The following MSRA variants were observed in gnomAD, a reference collection of about 807,000 sequenced individuals.
The protein encoded by MSRA is mitochondrial peptide methionine sulfoxide reductase.
A neutral mutation model predicts 31.3 loss-of-function variants in MSRA; 54 were observed. The ratio of observed to expected loss-of-function variants is 1.73; its 90% CI spans 1.39 to 2.17. The LOEUF is 2.17. Among genes scored for constraint, MSRA ranks in the 30% most tolerant of loss-of-function variants. MSRA has a pLI of 0.00. For missense variants in MSRA, 507 were observed against 300.9 expected (o/e 1.69, Z -5.07); for synonymous variants, 169 against 116.5 (o/e 1.45, Z -2.90).
At chr8:10,190,516 C>T (rs1807420467) in intron 1 of MSRA, among the ~76,000 whole-genome samples, 1 of 152,202 alleles carries the variant, frequency 6.6e-6, no homozygotes, top group Admixed American at 6.5e-5. Flanking sequence ...CTGGCCAAGC[C>T]CGCAAACTTC....
At chr8:10,337,619 C>T in intron 5 of MSRA, 3 of 672,066 alleles carry the variant, frequency 4.5e-6, no homozygotes, top group South Asian at 3.2e-5. Flanking sequence ...TTTTCTGGTC[C>T]TGATATTGGA....
intron 1 of MSRA, among the ~76,000 whole-genome samples, chr8:10,160,426 C>T (rs567387097): frequency 6.6e-6 from 1 of 151,692 alleles, no homozygotes; most frequent in South Asian, 2.1e-4. Context: ...ACCCAGGAGG[C>T]AGAGGTTGCA....
At chr8:10,264,345 T>G (rs933798529) in intron 3 of MSRA, among the ~76,000 whole-genome samples, 1 of 152,264 alleles carries the variant, frequency 6.6e-6, no homozygotes, top group African/African-American at 2.4e-5. Flanking sequence ...AACAATCTTA[T>G]CATTGGATGA....
rs529839685 is a variant in MSRA, at chr8:10,251,865, G to A, written c.331+6642G>A. Among the ~76,000 whole-genome samples the A allele has an allele frequency of 1.1e-3, 166 of 151,852 alleles. 4 individuals are homozygous for A. Among genetic ancestry groups the A allele is most frequent in the African/African-American group, 3.8e-3 (157 of 41,460 alleles). ...CCCTCTGAAGGGTTGACATGGTGGG[G>A]GGGGGGGGACATAGGTCATGGGGAC... On this transcript the variant is annotated intron_variant, in intron 3 of 5. Transcript: ENST00000317173.
At chr8:10,214,744 G>C (rs944692966) in intron 2 of MSRA, among the ~76,000 whole-genome samples, 1 of 152,198 alleles carries the variant, frequency 6.6e-6, no homozygotes, top group Non-Finnish European at 1.5e-5. Flanking sequence ...AACACTTGGA[G>C]AGATAAAAAT....
In MSRA at chr8:10,237,608, A is replaced by G. The variant is rs562391954; in HGVS notation, c.212-7496A>G. On this transcript the variant is annotated intron_variant, in intron 2 of 5. Transcript: ENST00000317173. ...GAAGAAGTATAAGGTAAGAAGACTT[A>G]CTCTACTAGGTATTTTGACTCATTA... is the stretch of plus-strand genomic sequence containing the variant. Among the ~76,000 whole-genome samples the G allele has an allele frequency of 1.1e-3, 166 of 152,282 alleles. 1 individual carries two copies. Among genetic ancestry groups the G allele is most frequent in the African/African-American group, 3.8e-3 (157 of 41,560 alleles).
intron 5 of MSRA, among the ~76,000 whole-genome samples, chr8:10,364,906 A>C (rs905194130): frequency 6.6e-6 from 1 of 152,138 alleles, no homozygotes; most frequent in Non-Finnish European, 1.5e-5. Context: ...TTCCTCCCCA[A>C]AATATCATTC....
chr8:10,353,666 G>A lies in MSRA; in HGVS notation c.543+33677G>A, dbSNP rs536646333. On this transcript the variant is annotated intron_variant, in intron 5 of 5. Coordinates refer to ENST00000317173, the MANE Select transcript of MSRA (RefSeq NM_012331.5). ...AGAGAACACAGACTGGGCTGCAGAC[G>A]GAGGGAAGATGAGTATAGGGACTCT... The A allele has an allele frequency of 8.0e-4, 364 of 456,264 alleles. 5 individuals carry two copies. Among genetic ancestry groups the A allele is most frequent in the Middle Eastern group, 7.8e-3 (24 of 3,076 alleles). The allele number at this position is 456,264 out of a possible 1,614,324, so 28.3% of individuals were successfully genotyped here.
In MSRA at chr8:10,140,057, G is replaced by T. The variant is rs964021865; in HGVS notation, c.143-67776G>T. On this transcript the variant is annotated intron_variant, in intron 1 of 5. Coordinates refer to ENST00000317173, the MANE Select transcript of MSRA (RefSeq NM_012331.5). Reference sequence around the variant, plus strand: ...ACGGGAGCCTTCCGAAATGAAGAGCGAGGGAAACAGGGAAACCTGTGTATT... The same window carrying T: ...ACGGGAGCCTTCCGAAATGAAGAGCTAGGGAAACAGGGAAACCTGTGTATT... Among the ~76,000 whole-genome samples the T allele has an allele frequency of 4.6e-5, 7 of 152,322 alleles. No homozygotes were observed. The East Asian group carries it at 1.4e-3, about 29-fold the overall frequency.
chr8:10,107,444 G>A (rs1455791115), intron 1 of MSRA, among the ~76,000 whole-genome samples: 7 of 152,012 alleles, frequency 4.6e-5, no homozygotes, highest in Non-Finnish European at 1.0e-4. Context: ...TGTGGTACTC[G>A]TACTCAGTGC....
rs570509296 is a variant in MSRA, at chr8:10,200,196, G to T, written c.143-7637G>T. Among the ~76,000 whole-genome samples the T allele has an allele frequency of 3.1e-4, 47 of 152,362 alleles. No homozygotes were observed. In the South Asian group the frequency reaches 9.3e-3, roughly 30 times the overall value. ...AGCAAAGGGAGCGGGCCAGATGGTC[G>T]TGGAGGGCGGGGTTGACTGCGGGGA... On this transcript the variant is annotated intron_variant, in intron 1 of 5. Coordinates refer to ENST00000317173, the MANE Select transcript of MSRA (RefSeq NM_012331.5).
intron 1 of MSRA, among the ~76,000 whole-genome samples, chr8:10,106,257 A>C (rs760291527): frequency 2.0e-5 from 3 of 152,174 alleles, no homozygotes; most frequent in African/African-American, 7.2e-5. Context: ...AGTCAATTCC[A>C]GTTGGCCTTA....
intron 1 of MSRA, among the ~76,000 whole-genome samples, chr8:10,178,367 A>G (rs1387977139): frequency 1.3e-5 from 2 of 152,114 alleles, no homozygotes; most frequent in East Asian, 1.9e-4. Context: ...AGGAGGGGAG[A>G]TCACTTGAGC....
intron 4 of MSRA, among the ~76,000 whole-genome samples, chr8:10,312,733 C>G (rs1012149024): frequency 1.3e-5 from 2 of 152,172 alleles, no homozygotes; most frequent in African/African-American, 4.8e-5. Context: ...CGAACACAAG[C>G]TTAGTTTAGC....
At chr8:10,137,961 G>C (rs1400718631) in intron 1 of MSRA, among the ~76,000 whole-genome samples, 2 of 152,188 alleles carry the variant, frequency 1.3e-5, no homozygotes, top group Non-Finnish European at 2.9e-5. Flanking sequence ...GGAAACTGAA[G>C]ATCAGGGAGA....
rs964131352 is a variant in MSRA at position 10,304,284 on chromosome 8, C to T, written c.436+2646C>T. ...GGCATCTGGGATACGCACGAGTATC[C>T]GGCCTCTTGGTTAATGCACATGGAA... On this transcript the variant is annotated intron_variant, in intron 4 of 5. Coordinates refer to ENST00000317173, the MANE Select transcript of MSRA (RefSeq NM_012331.5). 1.1e-4 allele frequency among the ~76,000 whole-genome samples: 16 copies of T among 152,312 alleles called. 1 individual carries two copies. Among genetic ancestry groups the T allele is most frequent in the South Asian group, 6.2e-4 (3 of 4,822 alleles).
intron 5 of MSRA, among the ~76,000 whole-genome samples, chr8:10,389,679 C>T (rs1177311994): frequency 6.6e-6 from 1 of 151,538 alleles, no homozygotes; most frequent in Non-Finnish European, 1.5e-5. Flanking sequence ...ATCCTCTCTC[C>T]AGTCCTGCCT....
chr8:10,212,057 T>G (rs566208011), intron 2 of MSRA, among the ~76,000 whole-genome samples: 3 of 152,098 alleles, frequency 2.0e-5, no homozygotes, highest in East Asian at 1.9e-4. Context: ...TATGGTGGCA[T>G]GCACCTCTAA....
At chr8:10,080,261 C>A (rs555182670) in intron 1 of MSRA, among the ~76,000 whole-genome samples, 25 of 152,014 alleles carry the variant, frequency 1.6e-4, no homozygotes, top group Non-Finnish European at 3.1e-4. Context: ...CTAACTTTAT[C>A]CCCCTTATTA....
Sources: gnomAD v4.1 joint callset for allele counts (sites outside exome capture counted in the v4.1 genomes callset) on GRCh38, gnomAD v4.1.1 for gene constraint, MANE v1.5 for transcripts, NCBI Gene and HGNC (gene_info 2026-07-23, HGNC 2026-07-21) for gene names.